Variants in DPP10 observed in about 807,000 individuals in gnomAD.
The protein encoded by DPP10 is inactive dipeptidyl peptidase 10.
Under a neutral mutation model 120.9 loss-of-function variants are expected in DPP10, and 33 were observed. The observed-to-expected ratio is 0.27, with a 90% CI of 0.21 to 0.37. The LOEUF (loss-of-function observed/expected upper bound fraction) is 0.37, where lower values mean the gene tolerates loss of function less well. DPP10 is among the 10% of genes least tolerant of loss of function. The pLI is 1.00. For synonymous variants in DPP10, 337 were observed against 326.1 expected (o/e 1.03, Z -0.36); for missense variants, 816 against 942.8 (o/e 0.87, Z 1.76).
intron 1 of DPP10, among the ~76,000 whole-genome samples, chr2:114,964,464 G>A (rs1574587254): frequency 6.6e-6 from 1 of 152,042 alleles, no homozygotes; most frequent in South Asian, 2.1e-4. Flanking sequence ...AGAAGTGTGG[G>A]GGTATTGAAA....
At chr2:114,816,776 A>G (rs938857654) in intron 1 of DPP10, among the ~76,000 whole-genome samples, 11 of 152,328 alleles carry the variant, frequency 7.2e-5, no homozygotes, top group Admixed American at 6.5e-4. Flanking sequence ...ATAAAATTCC[A>G]GAAGGAAAAT....
intron 3 of DPP10, among the ~76,000 whole-genome samples, chr2:115,493,873 A>G (rs72826410): frequency 0.28 from 42,166 of 151,818 alleles, 6,533 homozygotes; most frequent in East Asian, 0.41. Context: ...CCCCTCAGGC[A>G]AAAGGTTTAT....
At chr2:115,577,973 A>G (rs2081781364) in intron 5 of DPP10, among the ~76,000 whole-genome samples, 4 of 152,196 alleles carry the variant, frequency 2.6e-5, no homozygotes, top group African/African-American at 9.7e-5. Context: ...CATTATTACA[A>G]TTATTAATTC....
rs144128375 is a variant in DPP10, at chr2:114,816,913, C to G, written c.60+374075C>G. 1.1e-3 allele frequency among the ~76,000 whole-genome samples: 175 copies of G among 152,272 alleles called. 2 individuals are homozygous for G. Among genetic ancestry groups the G allele is most frequent in the African/African-American group, 4.1e-3 (170 of 41,572 alleles). The stretch of plus-strand genomic sequence containing the variant: ...ACAAATGAAGCTTCTAAAAAGCTGA[C>G]CTGTATGAAACAAGGTAGTTTTTTA... On this transcript the variant is annotated intron_variant, in intron 1 of 25. Transcript: ENST00000410059.
At chr2:114,654,598 A>G (rs761557311) in intron 1 of DPP10, among the ~76,000 whole-genome samples, 8 of 152,206 alleles carry the variant, frequency 5.3e-5, no homozygotes, top group Non-Finnish European at 1.2e-4. Context: ...TATACTTTAA[A>G]AAAATCAACT....
intron 1 of DPP10, among the ~76,000 whole-genome samples, chr2:114,983,660 C>G (rs1050874264): frequency 3.9e-5 from 6 of 152,046 alleles, no homozygotes; most frequent in African/African-American, 1.4e-4. Flanking sequence ...GAGTAGCAGA[C>G]TGCCAAGTAG....
chr2:115,334,375 G>A (rs2062991129), intron 2 of DPP10, among the ~76,000 whole-genome samples: 1 of 151,404 alleles, frequency 6.6e-6, no homozygotes, highest in South Asian at 2.1e-4. Flanking sequence ...TAAAACAGAT[G>A]TAGTGTATTT....
At chr2:115,313,459 A>G (rs998787785) in intron 2 of DPP10, among the ~76,000 whole-genome samples, 8 of 152,208 alleles carry the variant, frequency 5.3e-5, no homozygotes, top group African/African-American at 1.9e-4. Context: ...ATAGCAACAG[A>G]TGAAATATGG....
chr2:115,469,885 A>AAAAAG (rs2074578184), intron 3 of DPP10, among the ~76,000 whole-genome samples: 1 of 103,860 alleles, frequency 9.6e-6, no homozygotes, highest in Non-Finnish European at 2.2e-5. Flanking sequence ...GCAACAAGAG[A>AAAAAG]AAAAAAAAAA....
chr2:115,791,466 T>C, intron 19 of DPP10, 110 bp downstream of exon 19: 1 of 905,392 alleles, frequency 1.1e-6, no homozygotes, highest in Non-Finnish European at 1.7e-6. Flanking sequence ...TGTGTGTAGT[T>C]AATCAGGACA....
Position 115,004,677 on chromosome 2 carries a change from G to A in DPP10, c.61-304562G>A, listed in dbSNP as rs186388613. Among the ~76,000 whole-genome samples, 57 of 152,230 alleles carry A rather than the reference G, an allele frequency of 3.7e-4. No homozygotes were observed. In the East Asian group the frequency reaches 7.4e-3, roughly 20 times the overall value. The stretch of plus-strand genomic sequence containing the variant: ...TTTTCCGTTGGGCTTAAAAAACGGC[G>A]CACCATGAGATTATATCCCGCACCT... On this transcript the variant is annotated intron_variant, in intron 1 of 25. Transcript: ENST00000410059.
At chr2:114,735,587 C>T (rs1305008013) in intron 1 of DPP10, among the ~76,000 whole-genome samples, 2 of 152,052 alleles carry the variant, frequency 1.3e-5, no homozygotes, top group Non-Finnish European at 2.9e-5. Flanking sequence ...AGCAAATCCC[C>T]TTTCTATGAG....
chr2:115,508,698 A>AT lies in DPP10; in HGVS notation c.366+9096dup, dbSNP rs2077075395. On this transcript the variant is annotated intron_variant, in intron 4 of 25. Coordinates refer to ENST00000410059, the MANE Select transcript of DPP10 (RefSeq NM_020868.6). ...GGCAGGTGGATCACAAGGTCAAGAG[A>AT]TTAAGACCATCCTGGCCAACATGGC... Among the ~76,000 whole-genome samples the AT allele has an allele frequency of 2.6e-5, 4 of 152,194 alleles. No individual in the cohort carries two copies. The South Asian group carries it at 6.2e-4, about 24-fold the overall frequency.
At chr2:115,770,948 T>G (rs1421785602) in intron 13 of DPP10, among the ~76,000 whole-genome samples, 2 of 152,040 alleles carry the variant, frequency 1.3e-5, no homozygotes, top group African/African-American at 2.4e-5. Flanking sequence ...AACTAATGAG[T>G]GTTTTCTTAC....
intron 3 of DPP10, among the ~76,000 whole-genome samples, chr2:115,422,521 T>C (rs1408448252): frequency 6.6e-6 from 1 of 152,184 alleles, no homozygotes; most frequent in Non-Finnish European, 1.5e-5. Context: ...AAGGCTGAAA[T>C]TGCAAATGAT....
intron 3 of DPP10, among the ~76,000 whole-genome samples, chr2:115,346,690 C>G (rs1488183443): frequency 6.6e-6 from 1 of 152,120 alleles, no homozygotes; most frequent in Non-Finnish European, 1.5e-5. Context: ...ATTTGATAAT[C>G]AATTAATCAC....
At chr2:114,697,242 G>A (rs1191964909) in intron 1 of DPP10, among the ~76,000 whole-genome samples, 2 of 152,054 alleles carry the variant, frequency 1.3e-5, no homozygotes, top group African/African-American at 4.8e-5. Flanking sequence ...TAAAATTACA[G>A]TCTTGTAGTA....
At chr2:115,579,283 C>T (rs2081876714) in intron 5 of DPP10, 1 of 152,150 alleles carries the variant, frequency 6.6e-6, no homozygotes, top group South Asian at 2.1e-4. Flanking sequence ...AATACGCACA[C>T]AGATGTGACA....
At chr2:115,218,685 C>G (rs2056968555) in intron 1 of DPP10, among the ~76,000 whole-genome samples, 2 of 152,000 alleles carry the variant, frequency 1.3e-5, no homozygotes, top group Non-Finnish European at 1.5e-5. Context: ...GGAAAATCCT[C>G]TATAGAGTAG....
Sources: allele counts gnomAD v4.1 joint callset (sites outside exome capture counted in the v4.1 genomes callset), GRCh38; gene constraint gnomAD v4.1.1; transcripts MANE v1.5; gene names NCBI Gene and HGNC (gene_info 2026-07-23, HGNC 2026-07-21).